The following RMP24 variants were observed in gnomAD, a reference collection of about 807,000 sequenced individuals.
RMP24 encodes the protein ribonuclease MRP subunit p24.
the RMP24 span, among the ~76,000 whole-genome samples, chr18:35,975,950 TTC>T: frequency 9.9e-5 from 15 of 152,082 alleles, no homozygotes; most frequent in African/African-American, 3.6e-4. Context: ...GGAATTCGGT[TTC>T]TTAGTTCTTG....
At chr18:35,977,965 T>C in the RMP24 span, among the ~76,000 whole-genome samples, 1 of 152,244 alleles carries the variant, frequency 6.6e-6, no homozygotes, top group South Asian at 2.1e-4. Context: ...CTGGACATTT[T>C]GACCTAAAAT....
the RMP24 span, among the ~76,000 whole-genome samples, chr18:35,976,007 A>T: frequency 1.3e-5 from 2 of 152,174 alleles, no homozygotes; most frequent in African/African-American, 2.4e-5. Flanking sequence ...ATATTTGGAA[A>T]ATGTTCTTAA....
At chr18:35,977,740 A>G in the RMP24 span, 9 of 749,926 alleles carry the variant, frequency 1.2e-5, no homozygotes, top group East Asian at 8.1e-5. Context: ...CTAATGTCAC[A>G]TACTCCCATA....
the RMP24 span, chr18:35,977,698 A>G: frequency 7.8e-7 from 1 of 1,289,932 alleles, no homozygotes; most frequent in Non-Finnish European, 1.1e-6. Flanking sequence ...CATGCATTTC[A>G]GGACTTGGCC....
chr18:35,977,399 T>C, the RMP24 span: 3 of 1,599,458 alleles, frequency 1.9e-6, no homozygotes, highest in East Asian at 6.7e-5. Context: ...TATTTCTTAT[T>C]TTTATGGTAG....
the RMP24 span, chr18:35,972,712 C>G: frequency 1.3e-6 from 2 of 1,599,406 alleles, no homozygotes; most frequent in Non-Finnish European, 1.7e-6. Context: ...GGCGAGCCAG[C>G]GGCAGCGGCG....
chr18:35,977,345 C>T, the RMP24 span: 2 of 1,445,528 alleles, frequency 1.4e-6, no homozygotes, highest in Non-Finnish European at 1.9e-6. Context: ...TTCAATGAAC[C>T]TGTGGTTTAT....
the RMP24 span, chr18:35,974,896 A>C: frequency 6.8e-6 from 11 of 1,609,724 alleles, no homozygotes; most frequent in East Asian, 2.5e-4. Flanking sequence ...ATAATTTTAG[A>C]TGATAAGAGC....
chr18:35,973,291 A>G, the RMP24 span: 68 of 344,928 alleles, frequency 2.0e-4, 1 homozygote, highest in African/African-American at 1.4e-3. Flanking sequence ...CCTTGGTGAC[A>G]GTTTTTCATC....
the RMP24 span, chr18:35,979,023 A>G: frequency 1.7e-5 from 27 of 1,547,090 alleles, no homozygotes; most frequent in African/African-American, 3.2e-4. Context: ...CCTGATGTCA[A>G]TTCTGAAACT....
At chr18:35,975,097 T>G in the RMP24 span, 1 of 1,610,554 alleles carries the variant, frequency 6.2e-7, no homozygotes, top group South Asian at 1.1e-5. Flanking sequence ...AGTGTATTGG[T>G]AAGATTTCAG....
the RMP24 span, chr18:35,973,686 AG>A: frequency 6.6e-6 from 1 of 152,126 alleles, no homozygotes; most frequent in Non-Finnish European, 1.5e-5. Context: ...TTTGAGATGC[AG>A]AGGCGGGCGG....
chr18:35,975,671 G>A, the RMP24 span, among the ~76,000 whole-genome samples: 3 of 152,254 alleles, frequency 2.0e-5, no homozygotes, highest in South Asian at 2.1e-4. Context: ...CTATATGGAG[G>A]CCAGTAGCAA....
the RMP24 span, chr18:35,974,814 A>G: frequency 7.9e-7 from 1 of 1,265,028 alleles, no homozygotes; most frequent in South Asian, 1.3e-5. Flanking sequence ...AAATTTCAAT[A>G]TACTTTTTAT....
chr18:35,976,993 C>T, the RMP24 span, among the ~76,000 whole-genome samples: 224 of 152,202 alleles, frequency 1.5e-3, no homozygotes, highest in Non-Finnish European at 2.8e-3. Flanking sequence ...TTTGGGAGGC[C>T]GAGGCGGGTG....
the RMP24 span, chr18:35,978,773 A>G: frequency 6.8e-7 from 1 of 1,462,930 alleles, no homozygotes; most frequent in African/African-American, 1.4e-5. Flanking sequence ...GCCATAATAC[A>G]AAAGAGTAGA....
chr18:35,977,491 C>G, the RMP24 span: 2 of 1,614,100 alleles, frequency 1.2e-6, no homozygotes, highest in East Asian at 2.2e-5. Flanking sequence ...GAAGAGCAAT[C>G]CTGCCACTCC....
chr18:35,978,540 GGCAGAGGTT>G, the RMP24 span, among the ~76,000 whole-genome samples: 3 of 152,212 alleles, frequency 2.0e-5, no homozygotes, highest in Non-Finnish European at 4.4e-5. Context: ...GAACCTGGGA[GGCAGAGGTT>G]GCAGTGAGCT....
At chr18:35,976,663 G>T in the RMP24 span, among the ~76,000 whole-genome samples, 6 of 152,150 alleles carry the variant, frequency 3.9e-5, no homozygotes, top group Non-Finnish European at 7.3e-5. Flanking sequence ...AAATTGCTAA[G>T]GATTTGAAGG....
Sources: gnomAD v4.1 joint callset for allele counts (sites outside exome capture counted in the v4.1 genomes callset) on GRCh38, gnomAD v4.1.1 for gene constraint, MANE v1.5 for transcripts, NCBI Gene and HGNC (gene_info 2026-07-23, HGNC 2026-07-21) for gene names.